The following ETV6 variants were observed in gnomAD, a reference collection of about 807,000 sequenced individuals.
ETV6 encodes the protein transcription factor ETV6.
A neutral mutation model predicts 51.1 loss-of-function variants in ETV6; 16 were observed. The ratio of observed to expected loss-of-function variants is 0.31; its 90% CI spans 0.21 to 0.48. ETV6 has a LOEUF of 0.48. Ranked by LOEUF, ETV6 falls within the 20% of genes least tolerant of loss-of-function variation. The probability of loss-of-function intolerance (pLI) is 0.99; values close to 1 mark genes in which losing one functional copy is unlikely to be tolerated. For missense variants in ETV6, 458 were observed against 594.8 expected (o/e 0.77, Z 2.39); for synonymous variants, 240 against 224.1 (o/e 1.07, Z -0.64).
chr12:11,879,781 C>T (rs992674428), intron 5 of ETV6, among the ~76,000 whole-genome samples: 37 of 152,076 alleles, frequency 2.4e-4, no homozygotes, highest in African/African-American at 8.2e-4. Flanking sequence ...CATATACGTT[C>T]AGGTGTTTTG....
chr12:11,749,342 CACACACA>C (rs1591647770), intron 1 of ETV6, among the ~76,000 whole-genome samples: 34 of 118,462 alleles, frequency 2.9e-4, no homozygotes, highest in African/African-American at 6.3e-4. Flanking sequence ...CACACACACA[CACACACA>C]CCCCTACTCC....
chr12:11,716,033 A>G (rs1865268779), intron 1 of ETV6, among the ~76,000 whole-genome samples: 1 of 152,234 alleles, frequency 6.6e-6, no homozygotes, highest in Non-Finnish European at 1.5e-5. Context: ...GAAAAGTTGA[A>G]GAAAGCAACA....
chr12:11,703,643 T>A (rs193039450), intron 1 of ETV6, among the ~76,000 whole-genome samples: 2 of 152,264 alleles, frequency 1.3e-5, no homozygotes, highest in Non-Finnish European at 2.9e-5. Context: ...TGAAAGCAAA[T>A]GCATGTTAAG....
intron 1 of ETV6, among the ~76,000 whole-genome samples, chr12:11,744,468 G>A (rs1346631029): frequency 6.6e-6 from 1 of 152,168 alleles, no homozygotes; most frequent in African/African-American, 2.4e-5. Flanking sequence ...AGGCATTGCT[G>A]GATAAATTCA....
At chr12:11,653,446 T>G (rs1001447114) in intron 1 of ETV6, among the ~76,000 whole-genome samples, 7 of 152,306 alleles carry the variant, frequency 4.6e-5, no homozygotes, top group Middle Eastern at 6.8e-3. Flanking sequence ...TCAGCTTTCA[T>G]AGCAGAAGGA....
In ETV6 at chr12:11,853,500, C is replaced by G; in HGVS notation, c.402C>G (p.Phe134Leu). The stretch of plus-strand genomic sequence containing the variant: ...CTCGGATTCTTTTTTCACCATTCTT[C>G]CACCCTGGAAACTCTATACACACAC... ...RKPRILFSPFFHPGNSIHTQP... is the reference protein window; with the variant it reads ...RKPRILFSPFLHPGNSIHTQP... The change falls in exon 4 of 8, where the codon TTC becomes TTG. Residue 134 changes from phenylalanine to leucine, a missense_variant. Phe to Leu is a conservative substitution (Grantham distance 22, BLOSUM62 0). This residue lies in a region of ETV6 where 293 missense variants were observed against 315.7 expected (regional missense o/e 0.93). Coordinates refer to ENST00000396373, the MANE Select transcript of ETV6 (RefSeq NM_001987.5). 6.2e-7 allele frequency: 1 copy of G among 1,614,210 alleles called. No individual in the cohort carries two copies. Among genetic ancestry groups the G allele is most frequent in the Non-Finnish European group, 8.5e-7 (1 of 1,180,034 alleles).
intron 3 of ETV6, among the ~76,000 whole-genome samples, chr12:11,851,455 CTG>C (rs1232431160): frequency 3.9e-5 from 6 of 152,274 alleles, no homozygotes; most frequent in African/African-American, 9.6e-5. Context: ...TAAAATAGGA[CTG>C]TATTTCAGGC....
rs142482603 is a variant in ETV6, at chr12:11,742,358, A to G, written c.34-10092A>G. Among the ~76,000 whole-genome samples the G allele has an allele frequency of 4.4e-3, 666 of 152,362 alleles. 8 individuals are homozygous for G. Among genetic ancestry groups the G allele is most frequent in the East Asian group, 0.034 (174 of 5,188 alleles). The stretch of plus-strand genomic sequence containing the variant: ...CCCAGACTTTCTACCCATGACCACA[A>G]TGAAGGGAATGATGCCTTTTCTGAG... On this transcript the variant is annotated intron_variant, in intron 1 of 7. Transcript: ENST00000396373.
intron 5 of ETV6, among the ~76,000 whole-genome samples, chr12:11,884,027 C>G (rs1175284457): frequency 6.6e-6 from 1 of 152,210 alleles, no homozygotes; most frequent in Non-Finnish European, 1.5e-5. Context: ...TACCACACAG[C>G]TCTCTCTGTA....
intron 2 of ETV6, among the ~76,000 whole-genome samples, chr12:11,795,415 C>T (rs1038668976): frequency 3.3e-5 from 5 of 152,236 alleles, no homozygotes; most frequent in Non-Finnish European, 7.3e-5. Context: ...ACCAGCTGTT[C>T]TGGCCTTGGG....
intron 2 of ETV6, among the ~76,000 whole-genome samples, chr12:11,763,583 G>A (rs1019868439): frequency 1.3e-5 from 2 of 152,230 alleles, no homozygotes; most frequent in Non-Finnish European, 2.9e-5. Flanking sequence ...GATTCTTAGA[G>A]AAAAATTTTT....
At chr12:11,792,701 T>A (rs1250464003) in intron 2 of ETV6, among the ~76,000 whole-genome samples, 2 of 139,788 alleles carry the variant, frequency 1.4e-5, no homozygotes, top group Non-Finnish European at 3.2e-5. Context: ...AAAAAAAAAA[T>A]TAATCCTCTT....
At chr12:11,758,626 G>T (rs201555233) in intron 2 of ETV6, among the ~76,000 whole-genome samples, 2 of 151,952 alleles carry the variant, frequency 1.3e-5, no homozygotes, top group African/African-American at 2.4e-5. Flanking sequence ...TCCCGTTCTC[G>T]CCTGAATCTG....
intron 1 of ETV6, among the ~76,000 whole-genome samples, chr12:11,725,011 T>C (rs1376754891): frequency 6.6e-6 from 1 of 152,162 alleles, no homozygotes; most frequent in Non-Finnish European, 1.5e-5. Context: ...GTTTTATGAC[T>C]GTTTCTTTTA....
At chr12:11,698,892 A>G (rs1015915131) in intron 1 of ETV6, among the ~76,000 whole-genome samples, 1 of 152,218 alleles carries the variant, frequency 6.6e-6, no homozygotes, top group African/African-American at 2.4e-5. Context: ...CTACTAAACT[A>G]TTTAACAGGT....
chr12:11,850,162 G>A (rs2136484250), intron 3 of ETV6, among the ~76,000 whole-genome samples: 1 of 152,244 alleles, frequency 6.6e-6, no homozygotes, highest in East Asian at 1.9e-4. Context: ...TTCTGGTCTA[G>A]GTAGGAAACT....
intron 5 of ETV6, among the ~76,000 whole-genome samples, chr12:11,870,394 G>T (rs879537289): frequency 3.9e-5 from 6 of 152,136 alleles, no homozygotes; most frequent in Non-Finnish European, 8.8e-5. Context: ...GTAACGCCAT[G>T]CAGCCTTCAC....
chr12:11,853,142 G>A (rs544967306), intron 3 of ETV6, among the ~76,000 whole-genome samples: 4 of 152,352 alleles, frequency 2.6e-5, no homozygotes, highest in South Asian at 4.1e-4. Flanking sequence ...AGCCGAGATC[G>A]TGCCTCTGCA....
intron 1 of ETV6, among the ~76,000 whole-genome samples, chr12:11,708,984 A>C (rs976185911): frequency 4.6e-5 from 7 of 152,224 alleles, no homozygotes; most frequent in African/African-American, 1.4e-4. Flanking sequence ...GAGACAGTTG[A>C]TCAGAGAAAG....
Sources: allele counts gnomAD v4.1 joint callset (sites outside exome capture counted in the v4.1 genomes callset), GRCh38; gene constraint gnomAD v4.1.1; regional missense constraint gnomAD v4.1.1; transcripts MANE v1.5; gene names NCBI Gene and HGNC (gene_info 2026-07-23, HGNC 2026-07-21).